Variants in PRKDC observed in about 807,000 individuals in gnomAD.
PRKDC encodes protein kinase, DNA-activated, catalytic subunit.
Under a neutral mutation model 486.9 loss-of-function variants are expected in PRKDC, and 82 were observed. The observed-to-expected ratio is 0.17, with a 90% CI of 0.14 to 0.20. The LOEUF (loss-of-function observed/expected upper bound fraction) is 0.20. Ranked by LOEUF, PRKDC falls within the 10% of genes least tolerant of loss-of-function variation. The pLI, the probability that PRKDC is intolerant of heterozygous loss-of-function variation, is 1.00. For synonymous variants in PRKDC, 1,895 were observed against 1,837.0 expected, an observed-to-expected ratio of 1.03 and a Z score of -0.81; for missense variants, 4,504 against 5,038.2, an observed-to-expected ratio of 0.89 and a Z score of 3.21.
chr8:47,784,370 G>A (rs1238782484), intron 77 of PRKDC, among the ~76,000 whole-genome samples: 2 of 152,102 alleles, frequency 1.3e-5, no homozygotes, highest in East Asian at 1.9e-4. Context: ...CTAGAACACT[G>A]CATATTCTCA....
At chr8:47,897,340 A>G in intron 29 of PRKDC, 46 bp from the exon 30 acceptor site, 1 of 1,488,544 alleles carries the variant, frequency 6.7e-7, no homozygotes, top group Non-Finnish European at 9.0e-7. Flanking sequence ...CCAACATGCA[A>G]CATTCAGCTA....
intron 7 of PRKDC, among the ~76,000 whole-genome samples, chr8:47,952,695 T>C (rs1428260151): frequency 6.7e-6 from 1 of 149,862 alleles, no homozygotes; most frequent in African/African-American, 2.5e-5. Flanking sequence ...GTCTCAATTA[T>C]AAAAAGAAAA....
chr8:47,784,590 A>T (rs907352863), intron 77 of PRKDC, among the ~76,000 whole-genome samples: 9 of 152,238 alleles, frequency 5.9e-5, no homozygotes, highest in Non-Finnish European at 1.2e-4. Context: ...GAATGTACAC[A>T]GGTTTCCTCT....
At chr8:47,799,072 T>A in intron 72 of PRKDC, 138 bp downstream of exon 72, 1 of 1,179,372 alleles carries the variant, frequency 8.5e-7, no homozygotes, top group Non-Finnish European at 1.2e-6. Flanking sequence ...CGGCTGCCAT[T>A]GTCTCTTAAA....
intron 31 of PRKDC, among the ~76,000 whole-genome samples, 192 bp downstream of exon 31, chr8:47,892,947 C>G (rs573509731): frequency 5.9e-5 from 9 of 152,254 alleles, no homozygotes; most frequent in African/African-American, 2.2e-4. Context: ...TTATATAAAG[C>G]TATGAGAACA....
Position 47,935,742 on chromosome 8 carries a change from A to G in PRKDC, c.1437T>C (p.Ile479=). 6.2e-7 allele frequency: 1 copy of G among 1,613,822 alleles called. No individual in the cohort carries two copies. Among genetic ancestry groups the G allele is most frequent in the Non-Finnish European group, 8.5e-7 (1 of 1,179,822 alleles). Residue 479 remains isoleucine, a synonymous_variant, in exon 13 of 86, where the codon ATT becomes ATC. Transcript: ENST00000314191. The part of the protein sequence containing the change: ...AAKGPVLRNC[I]STVVHQGLIR... Reference sequence around the variant, plus strand: ...AAATTGCAAACTTACCCACAGTACTAATGCAATTCCTGAGAACTGGCCCTT... The same window carrying G: ...AAATTGCAAACTTACCCACAGTACTGATGCAATTCCTGAGAACTGGCCCTT...
intron 36 of PRKDC, 37 bp downstream of exon 36, chr8:47,885,907 C>CA (rs56185430): frequency 8.4e-5 from 133 of 1,582,224 alleles, no homozygotes; most frequent in Middle Eastern, 6.9e-4. Context: ...AACAAACAAA[C>CA]AAAAAAAACA....
At chr8:47,906,788 GAT>G (rs1485812412) in intron 25 of PRKDC, among the ~76,000 whole-genome samples, 1 of 151,232 alleles carries the variant, frequency 6.6e-6, no homozygotes, top group African/African-American at 2.4e-5. Flanking sequence ...TAAGTACTTT[GAT>G]ATTAGAGGTC....
At chr8:47,950,536 G>T (rs1214047735) in intron 7 of PRKDC, among the ~76,000 whole-genome samples, 1 of 150,650 alleles carries the variant, frequency 6.6e-6, no homozygotes, top group Non-Finnish European at 1.5e-5. Context: ...GGCTTAGGCG[G>T]GAGAATGGCG....
chr8:47,893,252 C>G lies in PRKDC; in HGVS notation c.3734G>C (p.Arg1245Pro). 1.2e-6 allele frequency: 2 copies of G among 1,612,336 alleles called. No individual in the cohort carries two copies. The highest frequency in any genetic ancestry group is 1.7e-6 in the Non-Finnish European group (2 of 1,179,130). The stretch of plus-strand genomic sequence containing the variant: ...CGTGGCCTGCAGGCTGAATGGCCCC[C>G]GAAGGTACAAGAGGGTGGGCTGGGC... Reference protein sequence around the residue: ...ILAQPTLLYLRGPFSLQATLC... With the variant: ...ILAQPTLLYLPGPFSLQATLC... The change falls in exon 31 of 86, where the codon CGG (arginine) becomes CCG (proline). Residue 1245 changes from arginine to proline, a missense_variant. Around this residue, in one of 6 missense-constraint regions of PRKDC, gnomAD observed 1,969 missense variants for 2,068.9 expected, o/e 0.95. Coordinates refer to ENST00000314191, the MANE Select transcript of PRKDC (RefSeq NM_006904.7).
At chr8:47,812,186 TAGGAG>T (rs2154498639) in intron 68 of PRKDC, among the ~76,000 whole-genome samples, 1 of 152,258 alleles carries the variant, frequency 6.6e-6, no homozygotes, top group African/African-American at 2.4e-5. Context: ...TCTACAATCA[TAGGAG>T]ATTTTGACAT....
chr8:47,883,308 A>G (rs905838853), intron 36 of PRKDC, among the ~76,000 whole-genome samples: 3 of 152,212 alleles, frequency 2.0e-5, no homozygotes, highest in African/African-American at 7.2e-5. Context: ...CCTTTCACAC[A>G]TAACTGCTTT....
Position 47,852,791 on chromosome 8 carries a change from T to C in PRKDC, c.6894-7A>G. ...CACCAAAGCCTGGAAGTATCTACAA[T>C]AAACACAGAAAAGACATATGCATCA... is the stretch of plus-strand genomic sequence containing the variant. On this transcript the variant is annotated splice_region_variant and splice_polypyrimidine_tract_variant and intron_variant, in intron 51 of 85. Transcript: ENST00000314191. The C allele has an allele frequency of 6.6e-7, 1 of 1,518,702 alleles. No homozygotes were observed. 94.1% of individuals were successfully genotyped at this position (1,518,702 alleles called of 1,614,324 possible). A position where few individuals can be genotyped will look rare whatever the true frequency, so the allele number is the denominator to read the frequency against.
At chr8:47,808,766 A>G (rs1185845558) in intron 68 of PRKDC, among the ~76,000 whole-genome samples, 1 of 152,188 alleles carries the variant, frequency 6.6e-6, no homozygotes, top group Non-Finnish European at 1.5e-5. Context: ...ATCAACCATC[A>G]AGTAAATTTC....
intron 21 of PRKDC, among the ~76,000 whole-genome samples, chr8:47,925,312 G>T (rs529606606): frequency 8.5e-5 from 13 of 152,340 alleles, no homozygotes; most frequent in Non-Finnish European, 1.8e-4. Flanking sequence ...CAAGTGTCCT[G>T]AAGAGAACCC....
chr8:47,957,504 C>T, intron 1 of PRKDC, 73 bp from the exon 2 acceptor site: 1 of 1,223,734 alleles, frequency 8.2e-7, no homozygotes, highest in Non-Finnish European at 1.2e-6. Flanking sequence ...AAAGGGGTTG[C>T]AATGATTTTC....
Position 47,782,785 on chromosome 8 carries a change from A to C in PRKDC, c.11176-187T>G. 1 of 611,272 alleles carries C rather than the reference A, an allele frequency of 1.6e-6. No individual in the cohort carries two copies. Among genetic ancestry groups the C allele is most frequent in the Non-Finnish European group, 2.9e-6 (1 of 348,246 alleles). 37.9% of individuals were successfully genotyped at this position (611,272 alleles called of 1,614,324 possible). On this transcript the variant is annotated intron_variant, in intron 78 of 85. Coordinates refer to ENST00000314191, the MANE Select transcript of PRKDC (RefSeq NM_006904.7). The surrounding 1 kb of genome is among the most constrained non-coding windows in gnomAD (Gnocchi z 4.9). ...TGTGCCTGACTGCTGTGCCCGCAGAAATGTTGTATTCCTGATTATAAATAC... is the reference window on the plus strand; with the variant it reads ...TGTGCCTGACTGCTGTGCCCGCAGACATGTTGTATTCCTGATTATAAATAC...
At chr8:47,854,351 A>G in intron 50 of PRKDC, 137 bp from the exon 51 acceptor site, 2 of 1,013,282 alleles carry the variant, frequency 2.0e-6, no homozygotes, top group Non-Finnish European at 2.9e-6. Flanking sequence ...CGTGACTGAG[A>G]CGGAGTCTTG....
intron 21 of PRKDC, among the ~76,000 whole-genome samples, chr8:47,923,776 T>C (rs1366352627): frequency 2.0e-5 from 3 of 152,156 alleles, no homozygotes; most frequent in African/African-American, 7.2e-5. Flanking sequence ...ACAGGAACCT[T>C]GGTCCTCCAA....
Sources: gnomAD v4.1 joint callset for allele counts (sites outside exome capture counted in the v4.1 genomes callset) on GRCh38, gnomAD v4.1.1 for gene constraint, gnomAD v4.1.1 regional missense constraint, Gnocchi (gnomAD v3.1) non-coding constraint, MANE v1.5 for transcripts, NCBI Gene and HGNC (gene_info 2026-07-23, HGNC 2026-07-21) for gene names.